The following UGGT2 variants were observed in gnomAD, a reference collection of about 807,000 sequenced individuals.
UGGT2 encodes the protein UDP-glucose glycoprotein glucosyltransferase 2, also known as UDP-glucose:glycoprotein glucosyltransferase 2.
Under a neutral mutation model 192.1 loss-of-function variants are expected in UGGT2, and 180 were observed. The observed-to-expected ratio is 0.94, with a 90% CI of 0.83 to 1.06. The LOEUF (loss-of-function observed/expected upper bound fraction) is 1.06, where lower values mean the gene tolerates loss of function less well. Among genes scored for constraint, UGGT2 ranks in the 50% least tolerant of loss-of-function variants. The probability of loss-of-function intolerance (pLI) is 0.00; values close to 1 mark genes in which losing one functional copy is unlikely to be tolerated. For synonymous variants in UGGT2, 580 were observed against 591.0 expected (o/e 0.98, Z 0.27); for missense variants, 1,849 against 1,795.7 (o/e 1.03, Z -0.54).
At chr13:95,929,284 A>G (rs1398183153) in intron 17 of UGGT2, among the ~76,000 whole-genome samples, 1 of 152,214 alleles carries the variant, frequency 6.6e-6, no homozygotes, top group African/African-American at 2.4e-5. Context: ...AATTAAATAT[A>G]TTTTTAAAGA....
intron 10 of UGGT2, among the ~76,000 whole-genome samples, chr13:95,975,324 T>C (rs918295589): frequency 6.6e-6 from 1 of 152,022 alleles, no homozygotes. Context: ...ACACATAAAG[T>C]GCTACACTTA....
intron 29 of UGGT2, among the ~76,000 whole-genome samples, chr13:95,875,935 G>A (rs2140154622): frequency 6.6e-6 from 1 of 152,282 alleles, no homozygotes; most frequent in Middle Eastern, 3.4e-3. Flanking sequence ...GAAATCTAGA[G>A]ATATTTATTA....
intron 20 of UGGT2, among the ~76,000 whole-genome samples, chr13:95,906,111 C>T (rs2048282870): frequency 6.6e-6 from 1 of 152,088 alleles, no homozygotes; most frequent in Non-Finnish European, 1.5e-5. Flanking sequence ...ACTTTTTATG[C>T]TTTAAGATTA....
At chr13:95,980,113 G>C (rs1330048190) in intron 10 of UGGT2, among the ~76,000 whole-genome samples, 1 of 152,148 alleles carries the variant, frequency 6.6e-6, no homozygotes, top group African/African-American at 2.4e-5. Context: ...TCTACCATTT[G>C]ATCTAGCAAT....
In UGGT2 at chr13:95,848,692, A is replaced by T. The variant is rs143555399; in HGVS notation, c.4284+4851T>A. 3.5e-3 allele frequency among the ~76,000 whole-genome samples: 528 copies of T among 152,286 alleles called. 5 individuals carry two copies. The highest frequency in any genetic ancestry group is 0.012 in the African/African-American group (499 of 41,554). ...CTTGATTACTATAGCTTTACAGTGA[A>T]ATAAGTCTGGTATTGCTAGTCTTCT... On this transcript the variant is annotated intron_variant, in intron 36 of 38. Transcript: ENST00000376747.
chr13:96,031,741 C>A, intron 2 of UGGT2, 148 bp downstream of exon 2: 1 of 567,996 alleles, frequency 1.8e-6, no homozygotes. Flanking sequence ...AGAATGGTTT[C>A]TATTAAAACA....
chr13:95,970,418 A>G (rs1000733827), intron 11 of UGGT2, among the ~76,000 whole-genome samples, 156 bp from the exon 12 acceptor site: 2 of 152,298 alleles, frequency 1.3e-5, no homozygotes, highest in African/African-American at 2.4e-5. Context: ...AATAAGGCAA[A>G]TAGTTCTAAT....
chr13:96,047,744 A>G (rs2053360019), intron 1 of UGGT2, among the ~76,000 whole-genome samples: 1 of 152,220 alleles, frequency 6.6e-6, no homozygotes, highest in Non-Finnish European at 1.5e-5. Context: ...AAAGAAGGCC[A>G]TTACATAATG....
chr13:95,955,570 A>G (rs577218859), intron 12 of UGGT2, among the ~76,000 whole-genome samples: 1 of 152,298 alleles, frequency 6.6e-6, no homozygotes, highest in Middle Eastern at 3.4e-3. Context: ...AAATTATAAA[A>G]GGATGTAACC....
chr13:95,802,673 C>T (rs768371732), intron 38 of UGGT2, among the ~76,000 whole-genome samples: 4 of 152,148 alleles, frequency 2.6e-5, no homozygotes, highest in Non-Finnish European at 5.9e-5. Context: ...CTATAACAAA[C>T]GCCAGTGGAC....
chr13:95,894,604 C>A lies in UGGT2; in HGVS notation c.2813G>T (p.Arg938Leu), dbSNP rs781237559. The change falls in exon 24 of 39, where the codon CGT becomes CTT. Residue 938 changes from arginine (R) to leucine (L), a missense_variant. Arg to Leu is a moderately radical substitution (Grantham distance 102). Transcript: ENST00000376747. ...VDALMSSVPK[R>L]ASRYDVTFLR... ...AAATGTGACATCATATCGAGATGCA[C>A]GCTTAGGCACAGAGGACATAAGGGC... 2 of 1,611,206 alleles carry A rather than the reference C, an allele frequency of 1.2e-6. No individual in the cohort carries two copies. Among genetic ancestry groups the A allele is most frequent in the East Asian group, 2.2e-5 (1 of 44,738 alleles).
At chr13:95,909,548 A>C (rs1422210007) in intron 20 of UGGT2, among the ~76,000 whole-genome samples, 2 of 138,822 alleles carry the variant, frequency 1.4e-5, no homozygotes, top group African/African-American at 5.4e-5. Flanking sequence ...TGGGAATTGA[A>C]CAATGAGATC....
At chr13:95,837,271 G>GT in intron 36 of UGGT2, 69 bp from the exon 37 acceptor site, 1 of 1,041,486 alleles carries the variant, frequency 9.6e-7, no homozygotes, top group South Asian at 1.3e-5. Flanking sequence ...GCTGAATGAA[G>GT]TAAGACATCA....
chr13:95,836,721 C>G (rs1008635848), intron 37 of UGGT2, among the ~76,000 whole-genome samples: 6 of 152,192 alleles, frequency 3.9e-5, no homozygotes, highest in African/African-American at 4.8e-5. Context: ...AGGAATGAAG[C>G]TTGTCCCGTG....
intron 38 of UGGT2, among the ~76,000 whole-genome samples, chr13:95,832,532 A>T (rs1043217690): frequency 6.6e-6 from 1 of 152,092 alleles, no homozygotes; most frequent in African/African-American, 2.4e-5. Context: ...TTAATTTTGG[A>T]GATAGGAAAT....
intron 20 of UGGT2, among the ~76,000 whole-genome samples, chr13:95,923,755 CATTATA>C (rs2048924846): frequency 6.6e-6 from 1 of 152,002 alleles, no homozygotes; most frequent in Non-Finnish European, 1.5e-5. Flanking sequence ...CATTGTTTAA[CATTATA>C]AGAAAATAAT....
chr13:95,839,835 G>A (rs1887678506), intron 36 of UGGT2, among the ~76,000 whole-genome samples: 1 of 152,124 alleles, frequency 6.6e-6, no homozygotes, highest in Non-Finnish European at 1.5e-5. Context: ...ATCATAGCGA[G>A]TATGAAGTGG....
At chr13:95,824,814 C>T (rs1019563857) in intron 38 of UGGT2, among the ~76,000 whole-genome samples, 4 of 152,100 alleles carry the variant, frequency 2.6e-5, no homozygotes, top group African/African-American at 9.7e-5. Flanking sequence ...GCTGGAGAGA[C>T]CGTGTGATCT....
chr13:95,912,655 G>A lies in UGGT2; in HGVS notation c.2296-9595C>T, dbSNP rs944252095. Among the ~76,000 whole-genome samples, 32 of 152,164 alleles carry A rather than the reference G, an allele frequency of 2.1e-4. 1 individual carries two copies. Among genetic ancestry groups the A allele is most frequent in the African/African-American group, 4.8e-4 (20 of 41,506 alleles). On this transcript the variant is annotated intron_variant, in intron 20 of 38. Transcript: ENST00000376747. ...AAGACTCAATATCATGAAAATGGCA[G>A]CACTGCCCAAGGTAATTCATAGATT...
Sources: allele counts gnomAD v4.1 joint callset (sites outside exome capture counted in the v4.1 genomes callset), GRCh38; gene constraint gnomAD v4.1.1; transcripts MANE v1.5; gene names NCBI Gene and HGNC (gene_info 2026-07-23, HGNC 2026-07-21).